Variants in ZGPAT observed in about 807,000 individuals in gnomAD.
ZGPAT encodes zinc finger CCCH-type and G-patch domain containing.
ZGPAT carries 39 observed loss-of-function variants against 47.9 expected under a neutral mutation model. The observed-to-expected ratio is 0.81, with a 90% CI of 0.63 to 1.06. The LOEUF (loss-of-function observed/expected upper bound fraction) is 1.06, where lower values mean the gene tolerates loss of function less well. Ranked by LOEUF, ZGPAT falls within the 50% of genes least tolerant of loss-of-function variation. ZGPAT has a pLI of 0.00. For synonymous variants in ZGPAT, 348 were observed against 292.9 expected (o/e 1.19, Z -1.92); for missense variants, 717 against 681.4 (o/e 1.05, Z -0.58).
intron 2 of ZGPAT, among the ~76,000 whole-genome samples, chr20:63,713,918 G>A (rs927985995): frequency 1.3e-5 from 2 of 150,650 alleles, no homozygotes; most frequent in African/African-American, 4.9e-5. Flanking sequence ...TGTTAATCCT[G>A]TATTGATTGC....
At chr20:63,719,551 G>A (rs1261587357) in intron 2 of ZGPAT, among the ~76,000 whole-genome samples, 1 of 151,762 alleles carries the variant, frequency 6.6e-6, no homozygotes, top group African/African-American at 2.4e-5. Flanking sequence ...CAAATCTGCT[G>A]TTGAAACTTC....
intron 2 of ZGPAT, among the ~76,000 whole-genome samples, chr20:63,715,644 G>A (rs145626941): frequency 6.6e-6 from 1 of 152,116 alleles, no homozygotes; most frequent in Admixed American, 6.6e-5. Flanking sequence ...ATTGATAAGG[G>A]ATATTGGTCT....
At chr20:63,733,394 G>A (rs950228829) in intron 3 of ZGPAT, 42 bp downstream of exon 3, 3 of 1,603,042 alleles carry the variant, frequency 1.9e-6, no homozygotes, top group Non-Finnish European at 2.6e-6. Context: ...ACCCTCCCAG[G>A]CCCCACGTGT....
At chr20:63,711,052 C>T (rs1342946672) in intron 2 of ZGPAT, among the ~76,000 whole-genome samples, 8 of 146,772 alleles carry the variant, frequency 5.5e-5, no homozygotes, top group African/African-American at 7.6e-5. Flanking sequence ...TTTGAAACAG[C>T]GTCTTGCTGC....
intron 2 of ZGPAT, among the ~76,000 whole-genome samples, chr20:63,718,600 C>T (rs1037880429): frequency 2.0e-5 from 3 of 150,996 alleles, no homozygotes; most frequent in African/African-American, 7.3e-5. Context: ...GGATTACAGG[C>T]GTGAAACACC....
At chr20:63,715,138 C>T (rs1305000266) in intron 2 of ZGPAT, among the ~76,000 whole-genome samples, 1 of 152,008 alleles carries the variant, frequency 6.6e-6, no homozygotes, top group African/African-American at 2.4e-5. Context: ...CACTCTGTTG[C>T]CCAAGCTGGT....
chr20:63,720,796 T>A (rs1176209126), intron 2 of ZGPAT, among the ~76,000 whole-genome samples: 1 of 152,202 alleles, frequency 6.6e-6, no homozygotes, highest in African/African-American at 2.4e-5. Flanking sequence ...CACTTTCTTG[T>A]TTCTTTGCAT....
chr20:63,726,947 C>G (rs964315426), intron 2 of ZGPAT, among the ~76,000 whole-genome samples: 1 of 152,044 alleles, frequency 6.6e-6, no homozygotes, highest in Non-Finnish European at 1.5e-5. Flanking sequence ...CACCATCATG[C>G]TCCCTCACCA....
At chr20:63,732,619 GTA>G (rs1379589752) in intron 2 of ZGPAT, among the ~76,000 whole-genome samples, 5 of 143,358 alleles carry the variant, frequency 3.5e-5, no homozygotes, top group Non-Finnish European at 7.7e-5. Context: ...GGGTCTCTGT[GTA>G]TGTGTATGAC....
Position 63,735,523 on chromosome 20 carries a change from C to T in ZGPAT, c.1356C>T (p.Asp452=). ...AGAAGATCGAGCGAACCCAGCGGGA[C>T]ATCAGGAGCATCCAGGAGGCTCTCG... ...TEEKIERTQR[D]IRSIQEALAR... Residue 452 remains aspartate (D), a synonymous_variant, in exon 6 of 7, where the codon GAC becomes GAT. Transcript: ENST00000355969. 1 of 1,522,656 alleles carries T rather than the reference C, an allele frequency of 6.6e-7. No individual in the cohort carries two copies. Among genetic ancestry groups the T allele is most frequent in the Non-Finnish European group, 8.8e-7 (1 of 1,137,910 alleles). The allele number at this position is 1,522,656 out of a possible 1,614,324, so 94.3% of individuals were successfully genotyped here.
rs759550315 is a variant in ZGPAT at position 63,735,172 on chromosome 20, C to G, written c.1005C>G (p.His335Gln). The change falls in exon 6 of 7, where the codon CAC becomes CAG. Residue 335 changes from histidine (H) to glutamine (Q), a missense_variant. Coordinates refer to ENST00000355969, the MANE Select transcript of ZGPAT (RefSeq NM_181485.3). Reference sequence around the variant, plus strand: ...GTGCCTCCGCAGGTTTGGGCCGACACGCGGAAGGCCGGGTGGAGCCCATCC... The same window carrying G: ...GTGCCTCCGCAGGTTTGGGCCGACAGGCGGAAGGCCGGGTGGAGCCCATCC... ...GYEFGKGLGR[H>Q]AEGRVEPIHA... 3 of 1,516,566 alleles carry G rather than the reference C, an allele frequency of 2.0e-6. No individual in the cohort carries two copies. The highest frequency in any genetic ancestry group is 2.6e-6 in the Non-Finnish European group (3 of 1,132,572). 93.9% of individuals were successfully genotyped at this position (1,516,566 alleles called of 1,614,324 possible).
chr20:63,716,270 T>C (rs2091727636), intron 2 of ZGPAT, among the ~76,000 whole-genome samples: 1 of 152,200 alleles, frequency 6.6e-6, no homozygotes, highest in Non-Finnish European at 1.5e-5. Flanking sequence ...CCTCAGGTGA[T>C]CCACCCGCCT....
intron 2 of ZGPAT, among the ~76,000 whole-genome samples, chr20:63,720,254 C>T (rs1188551751): frequency 6.6e-6 from 1 of 151,888 alleles, no homozygotes; most frequent in East Asian, 1.9e-4. Flanking sequence ...CTCCTGGGTT[C>T]AAGCGATTCT....
intron 2 of ZGPAT, among the ~76,000 whole-genome samples, chr20:63,710,078 T>C (rs556352462): frequency 1.3e-3 from 204 of 151,840 alleles, no homozygotes; most frequent in African/African-American, 4.8e-3. Context: ...GCCAGGATGG[T>C]CTCAATCTCC....
chr20:63,730,718 G>A (rs186224114), intron 2 of ZGPAT, among the ~76,000 whole-genome samples: 130 of 152,196 alleles, frequency 8.5e-4, no homozygotes, highest in Non-Finnish European at 1.2e-3. Flanking sequence ...TCCTGACCTC[G>A]TGATCCACCC....
At chr20:63,713,899 AT>A (rs1403503592) in intron 2 of ZGPAT, among the ~76,000 whole-genome samples, 2 of 150,866 alleles carry the variant, frequency 1.3e-5, no homozygotes, top group African/African-American at 2.4e-5. Flanking sequence ...AATACAGTGG[AT>A]TTTTTTATGT....
intron 2 of ZGPAT, among the ~76,000 whole-genome samples, chr20:63,719,060 C>T (rs1291944934): frequency 2.5e-4 from 12 of 48,892 alleles, no homozygotes; most frequent in South Asian, 4.0e-3. Flanking sequence ...TGCGAGACTC[C>T]ATCTCAAAAA....
chr20:63,716,434 G>A (rs2091729382), intron 2 of ZGPAT, among the ~76,000 whole-genome samples: 1 of 151,818 alleles, frequency 6.6e-6, no homozygotes, highest in African/African-American at 2.4e-5. Flanking sequence ...TCCTTTTATA[G>A]CCCTAGTTAT....
chr20:63,714,642 G>A (rs560636739), intron 2 of ZGPAT, among the ~76,000 whole-genome samples: 1 of 151,796 alleles, frequency 6.6e-6, no homozygotes, highest in Admixed American at 6.6e-5. Flanking sequence ...ATCATGAAAG[G>A]GTGTTGATTT....
Sources: gnomAD v4.1 joint callset for allele counts (sites outside exome capture counted in the v4.1 genomes callset) on GRCh38, gnomAD v4.1.1 for gene constraint, MANE v1.5 for transcripts, NCBI Gene and HGNC (gene_info 2026-07-23, HGNC 2026-07-21) for gene names.